The following ZFHX4 variants were observed in gnomAD, a reference collection of about 807,000 sequenced individuals.
ZFHX4 encodes zinc finger homeobox protein 4.
ZFHX4 carries 56 observed loss-of-function variants against 267.6 expected under a neutral mutation model. The ratio of observed to expected loss-of-function variants is 0.21; its 90% CI spans 0.17 to 0.26. ZFHX4 has a LOEUF of 0.26. ZFHX4 is among the 10% of genes least tolerant of loss of function. The probability of loss-of-function intolerance (pLI) is 1.00; values close to 1 mark genes in which losing one functional copy is unlikely to be tolerated. For synonymous variants in ZFHX4, 1,778 were observed against 1,665.6 expected, an observed-to-expected ratio of 1.07 and a Z score of -1.64; for missense variants, 4,332 against 4,420.0, an observed-to-expected ratio of 0.98 and a Z score of 0.56.
intron 4 of ZFHX4, among the ~76,000 whole-genome samples, chr8:76,779,139 G>A (rs1810481267): frequency 6.6e-6 from 1 of 152,108 alleles, no homozygotes; most frequent in Non-Finnish European, 1.5e-5. Context: ...ACCCATATTG[G>A]AATTAAATGA....
intron 3 of ZFHX4, among the ~76,000 whole-genome samples, chr8:76,732,699 T>A (rs902295749): frequency 6.6e-6 from 1 of 152,192 alleles, no homozygotes; most frequent in Non-Finnish European, 1.5e-5. Flanking sequence ...CTTCCTATCA[T>A]AAAATACAAT....
In ZFHX4 at chr8:76,863,338, G is replaced by C; in HGVS notation, c.9624G>C (p.Glu3208Asp). Residue 3208 changes from glutamate (E) to aspartate (D), a missense_variant, in exon 11 of 11, where the codon GAG (glutamate) becomes GAC (aspartate). Physicochemically the swap from Glu to Asp is conservative, Grantham distance 45. Coordinates refer to ENST00000651372, the MANE Select transcript of ZFHX4 (RefSeq NM_024721.5). ...KVKKIKEEEL[E>D]ATKPEKHPKK... The stretch of plus-strand genomic sequence containing the variant: ...AAAAAATCAAAGAGGAGGAATTAGA[G>C]GCCACCAAACCCGAAAAACACCCCA... The C allele has an allele frequency of 6.2e-7, 1 of 1,613,604 alleles. No homozygotes were observed. Among genetic ancestry groups the C allele is most frequent in the Non-Finnish European group, 8.5e-7 (1 of 1,179,788 alleles).
In ZFHX4 at chr8:76,706,446, G is replaced by A; in HGVS notation, c.2358G>A (p.Met786Ile). The A allele has an allele frequency of 6.2e-7, 1 of 1,614,100 alleles. No individual in the cohort carries two copies. The highest frequency in any genetic ancestry group is 8.5e-7 in the Non-Finnish European group (1 of 1,180,002). ...TCGCCAGGAACCTCCGAATTCATATGACCAGCGAAAAGCACATGCATAATA... is the reference window on the plus strand; with the variant it reads ...TCGCCAGGAACCTCCGAATTCATATAACCAGCGAAAAGCACATGCATAATA... ...TNVARNLRIHMTSEKHMHNMM... is the reference protein window; with the variant it reads ...TNVARNLRIHITSEKHMHNMM... The change falls in exon 2 of 11, where the codon ATG (methionine) becomes ATA (isoleucine). Residue 786 changes from methionine to isoleucine, a missense_variant. Met to Ile is a conservative substitution (Grantham distance 10). This residue lies in a region of ZFHX4 where 1,195 missense variants were observed against 1,173.6 expected (regional missense o/e 1.02). Coordinates refer to ENST00000651372, the MANE Select transcript of ZFHX4 (RefSeq NM_024721.5).
Position 76,864,339 on chromosome 8 carries a change from C to A in ZFHX4, c.10625C>A (p.Pro3542His). 1 of 1,613,754 alleles carries A rather than the reference C, an allele frequency of 6.2e-7. No homozygotes were observed. The highest frequency in any genetic ancestry group is 8.5e-7 in the Non-Finnish European group (1 of 1,179,762). Residue 3542 changes from proline to histidine, a missense_variant, in exon 11 of 11, where the codon CCT becomes CAT. Physicochemically the swap from Pro to His is moderately conservative, Grantham distance 77. Around this residue, in one of 7 missense-constraint regions of ZFHX4, gnomAD observed 1,648 missense variants for 1,625.0 expected, o/e 1.01. Coordinates refer to ENST00000651372, the MANE Select transcript of ZFHX4 (RefSeq NM_024721.5). ...TCTGCCAGGAGAGCTGCTTCTCCCC[C>A]TTCTTCTCCTCCTTCCCTTTCCTTG... ...QASARRAASP[P>H]SSPPSLSLPS...
chr8:76,700,271 G>T (rs894052348), intron 1 of ZFHX4, among the ~76,000 whole-genome samples: 2 of 152,070 alleles, frequency 1.3e-5, no homozygotes, highest in Non-Finnish European at 2.9e-5. Flanking sequence ...AGGCTAAGGA[G>T]CCCACTGGTC....
chr8:76,737,245 C>T (rs1172464302), intron 3 of ZFHX4, among the ~76,000 whole-genome samples: 1 of 152,100 alleles, frequency 6.6e-6, no homozygotes, highest in Admixed American at 6.5e-5. Context: ...TTTGACCTTT[C>T]CTTAGTTATA....
rs368141704 is a variant in ZFHX4 at position 76,852,963 on chromosome 8, G to C, written c.6042G>C (p.Pro2014=). 1.9e-6 allele frequency: 3 copies of C among 1,562,898 alleles called. No individual in the cohort carries two copies. The highest frequency in any genetic ancestry group is 2.8e-5 in the African/African-American group (2 of 72,650). ...PPPPPPPPLP[P]APPQPSSMGP... is the part of the protein sequence containing the mutation. The stretch of plus-strand genomic sequence containing the variant: ...CACCTCCTCCTCCTCCCTTGCCTCC[G>C]GCTCCTCCACAGCCTTCTTCTATGG... The change falls in exon 10 of 11, where the codon CCG becomes CCC. Residue 2014 remains proline (P), a synonymous_variant. Coordinates refer to ENST00000651372, the MANE Select transcript of ZFHX4 (RefSeq NM_024721.5).
chr8:76,768,737 A>G (rs912112425), intron 3 of ZFHX4, among the ~76,000 whole-genome samples: 6 of 152,144 alleles, frequency 3.9e-5, no homozygotes, highest in African/African-American at 1.4e-4. Flanking sequence ...GACATGCAGT[A>G]TAGGTTTGGA....
chr8:76,686,941 C>A (rs1807706707), intron 1 of ZFHX4, among the ~76,000 whole-genome samples: 1 of 152,098 alleles, frequency 6.6e-6, no homozygotes, highest in African/African-American at 2.4e-5. Flanking sequence ...AGAGGGTTTC[C>A]CCCCCTTCTA....
rs1810548484 is a variant in ZFHX4, at chr8:76,781,566, C to CTTTAAAAAAACTTA, written c.3325+3127_3325+3128insTTTAAAAAAACTTA. 2.0e-5 allele frequency among the ~76,000 whole-genome samples: 3 copies of CTTTAAAAAAACTTA among 152,122 alleles called. No homozygotes were observed. The East Asian group carries it at 5.8e-4, about 29-fold the overall frequency. On this transcript the variant is annotated intron_variant, in intron 4 of 10. Transcript: ENST00000651372. ...TTAACTTTTCATTTGATTTTGTTGGCATTGTGGATGCATAATTTGGGTGGA... is the reference window on the plus strand; with the variant it reads ...TTAACTTTTCATTTGATTTTGTTGGCTTTAAAAAAACTTAATTGTGGATGCATAATTTGGGTGGA...
intron 1 of ZFHX4, 115 bp downstream of exon 1, chr8:76,681,735 C>T (rs1807534766): frequency 2.9e-6 from 1 of 339,506 alleles, no homozygotes. Flanking sequence ...CTCTCTCTCC[C>T]TCTCCGCCTC....
intron 4 of ZFHX4, among the ~76,000 whole-genome samples, chr8:76,783,290 A>C (rs998457877): frequency 3.9e-5 from 6 of 152,028 alleles, no homozygotes; most frequent in Admixed American, 1.3e-4. Flanking sequence ...TTTGGAGATG[A>C]ACAGCACTTG....
At chr8:76,695,502 G>A (rs1008559411) in intron 1 of ZFHX4, among the ~76,000 whole-genome samples, 1 of 152,190 alleles carries the variant, frequency 6.6e-6, no homozygotes, top group East Asian at 1.9e-4. Flanking sequence ...TAATTATGAC[G>A]AAATACTTGT....
At chr8:76,733,124 T>G (rs1809066338) in intron 3 of ZFHX4, among the ~76,000 whole-genome samples, 1 of 152,148 alleles carries the variant, frequency 6.6e-6, no homozygotes, top group African/African-American at 2.4e-5. Context: ...TTCCAATGAT[T>G]GTTCAGGGGT....
At chr8:76,760,679 G>A (rs1809886989) in intron 3 of ZFHX4, among the ~76,000 whole-genome samples, 1 of 152,038 alleles carries the variant, frequency 6.6e-6, no homozygotes, top group Non-Finnish European at 1.5e-5. Flanking sequence ...TGTAATCCCA[G>A]TACTATGGGA....
In ZFHX4 at chr8:76,713,754, C is replaced by T. The variant is rs143414485; in HGVS notation, c.3093+5706C>T. Among the ~76,000 whole-genome samples, 419 of 152,216 alleles carry T rather than the reference C, an allele frequency of 2.8e-3. 2 individuals are homozygous for T. The highest frequency in any genetic ancestry group is 9.6e-3 in the African/African-American group (400 of 41,540). On this transcript the variant is annotated intron_variant, in intron 3 of 10. Coordinates refer to ENST00000651372, the MANE Select transcript of ZFHX4 (RefSeq NM_024721.5). The stretch of plus-strand genomic sequence containing the variant: ...TAATTGACTTAGAAGTCTTTTTCAG[C>T]GTGCATTTTTTAAAAAGGAACTGCC...
At chr8:76,686,441 C>G (rs1807695515) in intron 1 of ZFHX4, among the ~76,000 whole-genome samples, 2 of 152,304 alleles carry the variant, frequency 1.3e-5, no homozygotes, top group Admixed American at 1.3e-4. Context: ...TGTCAAAACA[C>G]AGCGTTAATC....
At chr8:76,790,607 G>A (rs7845626) in intron 4 of ZFHX4, among the ~76,000 whole-genome samples, 2,533 of 152,174 alleles carry the variant, frequency 0.017, 78 homozygotes, top group African/African-American at 0.056. Flanking sequence ...TAAAACTAAA[G>A]CACTGATAAT....
chr8:76,694,757 T>C (rs904529327), intron 1 of ZFHX4, among the ~76,000 whole-genome samples: 6 of 142,378 alleles, frequency 4.2e-5, no homozygotes, highest in Non-Finnish European at 7.7e-5. Flanking sequence ...TTTCTTCTTT[T>C]GATGAAGTTG....
Sources: gnomAD v4.1 joint callset for allele counts (sites outside exome capture counted in the v4.1 genomes callset) on GRCh38, gnomAD v4.1.1 for gene constraint, gnomAD v4.1.1 regional missense constraint, MANE v1.5 for transcripts, NCBI Gene and HGNC (gene_info 2026-07-23, HGNC 2026-07-21) for gene names.